Variants in REEP1 observed in about 807,000 individuals in gnomAD.
REEP1 encodes the protein receptor accessory protein 1, also known as receptor expression-enhancing protein 1.
A neutral mutation model predicts 40.3 loss-of-function variants in REEP1; 22 were observed. The ratio of observed to expected loss-of-function variants is 0.55; its 90% confidence interval spans 0.39 to 0.78. The LOEUF is 0.78. Among genes scored for constraint, REEP1 ranks in the 30% least tolerant of loss-of-function variants. The pLI is 0.00. For synonymous variants in REEP1, 116 were observed against 139.2 expected (o/e 0.83, Z 1.17); for missense variants, 280 against 361.1 (o/e 0.78, Z 1.82).
chr2:86,259,122 A>G (rs561979894), intron 3 of REEP1, among the ~76,000 whole-genome samples: 74 of 152,136 alleles, frequency 4.9e-4, no homozygotes, highest in African/African-American at 1.7e-3. Context: ...CCTGGCTAAC[A>G]TGGTGAAAAT....
Position 86,220,021 on chromosome 2 carries a change from C to T in REEP1, c.732G>A (p.Leu244=). 8.1e-7 allele frequency: 1 copy of T among 1,232,174 alleles called. No homozygotes were observed. 76.3% of individuals were successfully genotyped at this position (1,232,174 alleles called of 1,614,324 possible). Residue 244 remains leucine (L), a synonymous_variant, in exon 8 of 9, where the codon CTG becomes CTA. Transcript: ENST00000538924. ...GTGCTTTATACTTGTACATGAAATC[C>T]AGCAGGTCTTCCTCCTCGTCGTCAG... is the stretch of plus-strand genomic sequence containing the variant. ...AFSDDEEEDL[L]DFMYKYKAPR... is the part of the protein sequence containing the mutation.
chr2:86,335,429 T>C (rs1680968732), intron 1 of REEP1, among the ~76,000 whole-genome samples: 1 of 152,186 alleles, frequency 6.6e-6, no homozygotes, highest in Admixed American at 6.5e-5. Context: ...CACATAATGC[T>C]GTTCATTTAA....
At chr2:86,334,878 A>G (rs1340125024) in intron 1 of REEP1, among the ~76,000 whole-genome samples, 1 of 152,206 alleles carries the variant, frequency 6.6e-6, no homozygotes, top group African/African-American at 2.4e-5. Flanking sequence ...CAATTTATAT[A>G]TCAAGTGTCA....
intron 1 of REEP1, among the ~76,000 whole-genome samples, chr2:86,327,599 G>A (rs1384573636): frequency 2.0e-5 from 3 of 146,992 alleles, no homozygotes; most frequent in Admixed American, 6.9e-5. Context: ...ATGGGGCCTC[G>A]CTCTGCCGCC....
chr2:86,236,267 C>T (rs1675319864), intron 5 of REEP1, among the ~76,000 whole-genome samples: 2 of 152,010 alleles, frequency 1.3e-5, no homozygotes, highest in African/African-American at 2.4e-5. Flanking sequence ...CCTTTCAGCC[C>T]TTCTCAGTCT....
In REEP1 at chr2:86,261,602, G is replaced by A. The variant is rs571764425; in HGVS notation, c.182+2363C>T. ...AGGGACACAAAAACTGTGGAAGCCC[G>A]CAGGGACCTCTGCCTAGGAAAGCCA... On this transcript the variant is annotated intron_variant, in intron 3 of 8. Coordinates refer to ENST00000538924, the MANE Select transcript of REEP1 (RefSeq NM_001371279.1). Among the ~76,000 whole-genome samples the A allele has an allele frequency of 2.3e-3, 357 of 152,264 alleles. 3 individuals are homozygous for A. The highest frequency in any genetic ancestry group is 8.3e-3 in the African/African-American group (344 of 41,536).
intron 1 of REEP1, among the ~76,000 whole-genome samples, chr2:86,286,037 C>A (rs750247042): frequency 9.9e-5 from 15 of 152,094 alleles, no homozygotes; most frequent in Non-Finnish European, 1.9e-4. Flanking sequence ...CTCTTCCCCC[C>A]ACTGTCATTA....
intron 3 of REEP1, among the ~76,000 whole-genome samples, chr2:86,257,866 T>A (rs1027612375): frequency 6.6e-6 from 1 of 152,202 alleles, no homozygotes; most frequent in Non-Finnish European, 1.5e-5. Flanking sequence ...CTTGAACTCC[T>A]GACCTCAGGT....
chr2:86,254,757 G>A lies in REEP1; in HGVS notation c.240C>T (p.Tyr80=), dbSNP rs757562400. ...IAFVAWLLSP[Y]TKGSSLLYRK... is the part of the protein sequence containing the mutation. ...TGTACAGGAGGCTGGAGCCTTTTGTGTAGGGAGACAGCAGCCAGGCTACAA... is the reference window on the plus strand; with the variant it reads ...TGTACAGGAGGCTGGAGCCTTTTGTATAGGGAGACAGCAGCCAGGCTACAA... The change falls in exon 4 of 9, where the codon TAC becomes TAT. Residue 80 remains tyrosine, a synonymous_variant. Coordinates refer to ENST00000538924, the MANE Select transcript of REEP1 (RefSeq NM_001371279.1). The A allele has an allele frequency of 8.1e-6, 13 of 1,613,460 alleles. No individual in the cohort carries two copies. The highest frequency in any genetic ancestry group is 5.0e-5 in the Admixed American group (3 of 60,004).
At chr2:86,238,208 T>TAAAC (rs1675467566) in intron 5 of REEP1, among the ~76,000 whole-genome samples, 1 of 152,106 alleles carries the variant, frequency 6.6e-6, no homozygotes, top group Non-Finnish European at 1.5e-5. Context: ...AATAAATAAA[T>TAAAC]AAACATTCTA....
intron 1 of REEP1, among the ~76,000 whole-genome samples, chr2:86,307,854 A>G (rs1040088895): frequency 7.9e-5 from 12 of 152,228 alleles, no homozygotes; most frequent in African/African-American, 2.7e-4. Flanking sequence ...ACAATAATAT[A>G]TTTTTACAAA....
chr2:86,332,618 G>A, intron 1 of REEP1, among the ~76,000 whole-genome samples: 1 of 152,152 alleles, frequency 6.6e-6, no homozygotes, highest in East Asian at 1.9e-4. Context: ...GCGGGCTTCA[G>A]AAGGAAGTGG....
intron 5 of REEP1, among the ~76,000 whole-genome samples, chr2:86,243,601 G>A (rs181818651): frequency 2.6e-5 from 4 of 152,298 alleles, no homozygotes; most frequent in South Asian, 2.1e-4. Context: ...TGGGAGAGCC[G>A]GAATCCAGCA....
intron 5 of REEP1, among the ~76,000 whole-genome samples, chr2:86,244,417 T>C (rs1031216525): frequency 2.6e-5 from 4 of 151,810 alleles, no homozygotes; most frequent in African/African-American, 9.7e-5. Flanking sequence ...AATATAACTC[T>C]CAGTGGATTG....
chr2:86,266,416 G>A (rs907760120), intron 2 of REEP1, among the ~76,000 whole-genome samples: 3 of 150,918 alleles, frequency 2.0e-5, no homozygotes, highest in Non-Finnish European at 3.0e-5. Context: ...TCAGGAGATC[G>A]AGACCATCCT....
intron 7 of REEP1, among the ~76,000 whole-genome samples, chr2:86,224,054 G>A (rs1279527569): frequency 6.6e-6 from 1 of 152,172 alleles, no homozygotes; most frequent in African/African-American, 2.4e-5. Context: ...GTGCAGCTTA[G>A]AATAGAGGCT....
chr2:86,282,461 C>T (rs1678149787), intron 1 of REEP1, among the ~76,000 whole-genome samples: 1 of 152,118 alleles, frequency 6.6e-6, no homozygotes, highest in Admixed American at 6.5e-5. Flanking sequence ...CTCCCTTCAA[C>T]CTGTGGTCTG....
chr2:86,286,513 G>C lies in REEP1; in HGVS notation c.33-4271C>G, dbSNP rs535741583. 2.1e-4 allele frequency among the ~76,000 whole-genome samples: 32 copies of C among 152,142 alleles called. 1 individual carries two copies. In the South Asian group the frequency reaches 3.7e-3, roughly 18 times the overall value. ...ATGGACTCTTCACTAGACCATCAAG[G>C]GTCATTTTTTGAACCCCAAGGTTCA... is the stretch of plus-strand genomic sequence containing the variant. On this transcript the variant is annotated intron_variant, in intron 1 of 8. Transcript: ENST00000538924.
In REEP1 at chr2:86,251,857, T is replaced by C. The variant is rs4832031; in HGVS notation, c.417+100A>G. The stretch of plus-strand genomic sequence containing the variant: ...GGACCCCTAAAAGATGAAAAACCAC[T>C]GATTGGTCCTTAGCCTGTTCTGTGT... On this transcript the variant is annotated intron_variant, in intron 5 of 8. Coordinates refer to ENST00000538924, the MANE Select transcript of REEP1 (RefSeq NM_001371279.1). The C allele has an allele frequency of 0.48, 413,434 of 854,822 alleles. 105,027 individuals carry two copies. Among genetic ancestry groups the C allele is most frequent in the East Asian group, 0.69 (28,403 of 41,162 alleles). The allele number at this position is 854,822 out of a possible 1,614,324, so 53.0% of individuals were successfully genotyped here.
Sources: gnomAD v4.1 joint callset for allele counts (sites outside exome capture counted in the v4.1 genomes callset) on GRCh38, gnomAD v4.1.1 for gene constraint, MANE v1.5 for transcripts, NCBI Gene and HGNC (gene_info 2026-07-23, HGNC 2026-07-21) for gene names.